KCNJ6: variants seen among roughly 807,000 people sequenced by gnomAD.
KCNJ6 encodes the protein potassium inwardly rectifying channel subfamily J member 6.
KCNJ6 carries 9 observed loss-of-function variants against 34.2 expected under a neutral mutation model. The ratio of observed to expected loss-of-function variants is 0.26; its 90% CI spans 0.16 to 0.46. The LOEUF (loss-of-function observed/expected upper bound fraction) is 0.46, where lower values mean the gene tolerates loss of function less well. Ranked by LOEUF, KCNJ6 falls within the 20% of genes least tolerant of loss-of-function variation. KCNJ6 has a pLI of 1.00. For missense variants in KCNJ6, 236 were observed against 531.3 expected (o/e 0.44, Z 5.46); for synonymous variants, 196 against 207.1 (o/e 0.95, Z 0.46).
intron 2 of KCNJ6, among the ~76,000 whole-genome samples, chr21:37,817,365 G>C (rs1002485039): frequency 1.3e-5 from 2 of 152,134 alleles, no homozygotes; most frequent in African/African-American, 4.8e-5. Context: ...GAGGATTATT[G>C]CAAAGAATTA....
In KCNJ6 at chr21:37,714,849, G is replaced by C; in HGVS notation, c.308C>G (p.Thr103Ser). 6.2e-7 allele frequency: 1 copy of C among 1,614,242 alleles called. No individual in the cohort carries two copies. Among genetic ancestry groups the C allele is most frequent in the Non-Finnish European group, 8.5e-7 (1 of 1,180,050 alleles). Residue 103 changes from threonine to serine, a missense_variant, in exon 3 of 4, where the codon ACC (threonine) becomes AGC (serine). Thr to Ser is a moderately conservative substitution (Grantham distance 58). Transcript: ENST00000609713. This position sits in a 1 kb window ranked among gnomAD's most constrained non-coding sequence, Gnocchi z 5.9. ...CCAGATCATTCCAAAAAAGAGCCAG[G>C]TCACTGTGTAAACCATGACAAAAAT... ...LLIFVMVYTV[T>S]WLFFGMIWWL...
chr21:37,700,376 G>T (rs563242266), intron 3 of KCNJ6, among the ~76,000 whole-genome samples: 1 of 152,156 alleles, frequency 6.6e-6, no homozygotes, highest in Non-Finnish European at 1.5e-5. Flanking sequence ...ATTCAGGAAC[G>T]TCTGCAGCCT....
chr21:37,766,881 G>A (rs1318677744), intron 2 of KCNJ6, among the ~76,000 whole-genome samples: 1 of 152,162 alleles, frequency 6.6e-6, no homozygotes, highest in Non-Finnish European at 1.5e-5. Context: ...ACTGTGAACT[G>A]CACCTGCGAG....
At chr21:37,782,376 C>G (rs1371415868) in intron 2 of KCNJ6, among the ~76,000 whole-genome samples, 6 of 152,174 alleles carry the variant, frequency 3.9e-5, no homozygotes, top group Non-Finnish European at 1.5e-5. Context: ...CAGCAGGAAA[C>G]TAATGTACAC....
chr21:37,878,421 T>C (rs1014560087), intron 1 of KCNJ6, among the ~76,000 whole-genome samples: 1 of 152,252 alleles, frequency 6.6e-6, no homozygotes, highest in Non-Finnish European at 1.5e-5. Context: ...AGCAGTGTTC[T>C]GAGTTAGGCA....
At chr21:37,804,837 GAGTCTATGTCTTTACTAT>G (rs1438645186) in intron 2 of KCNJ6, among the ~76,000 whole-genome samples, 1 of 152,056 alleles carries the variant, frequency 6.6e-6, no homozygotes, top group Non-Finnish European at 1.5e-5. Context: ...GGGCATTGTT[GAGTCTATGTCTTTACTAT>G]AGTGAGTAGG....
intron 3 of KCNJ6, among the ~76,000 whole-genome samples, chr21:37,628,105 C>T (rs1029801507): frequency 6.6e-6 from 1 of 152,134 alleles, no homozygotes; most frequent in African/African-American, 2.4e-5. Flanking sequence ...CTTAAAATGC[C>T]TGTTTTCAAC....
chr21:37,665,807 C>T (rs532224439), intron 3 of KCNJ6, among the ~76,000 whole-genome samples: 1 of 152,290 alleles, frequency 6.6e-6, no homozygotes, highest in Non-Finnish European at 1.5e-5. Flanking sequence ...ACAATTATCT[C>T]GACAGAGAGT....
intron 3 of KCNJ6, among the ~76,000 whole-genome samples, chr21:37,627,404 G>C (rs933315368): frequency 3.3e-5 from 5 of 152,158 alleles, no homozygotes; most frequent in Non-Finnish European, 7.4e-5. Context: ...CTCAAACAAC[G>C]TTTCTCTTCT....
At chr21:37,728,303 G>A (rs886565545) in intron 2 of KCNJ6, among the ~76,000 whole-genome samples, 4 of 152,202 alleles carry the variant, frequency 2.6e-5, no homozygotes, top group Non-Finnish European at 5.9e-5. Context: ...GCTGGAGCAG[G>A]GGGATTGGGG....
chr21:37,896,808 G>T (rs891027836), intron 1 of KCNJ6, among the ~76,000 whole-genome samples: 1 of 152,172 alleles, frequency 6.6e-6, no homozygotes, highest in Non-Finnish European at 1.5e-5. Flanking sequence ...CAGAGGCAGC[G>T]GAGGACCCCA....
At chr21:37,786,628 T>C (rs2055193993) in intron 2 of KCNJ6, among the ~76,000 whole-genome samples, 2 of 152,198 alleles carry the variant, frequency 1.3e-5, no homozygotes, top group African/African-American at 4.8e-5. Flanking sequence ...TCTGCTCTCA[T>C]CTCTGCCTGG....
At chr21:37,767,810 GAGAAATC>G (rs1452827872) in intron 2 of KCNJ6, among the ~76,000 whole-genome samples, 3 of 152,150 alleles carry the variant, frequency 2.0e-5, no homozygotes, top group African/African-American at 7.2e-5. Flanking sequence ...ATTGTATTTT[GAGAAATC>G]GTGAGAGGGG....
At position 37,890,843 on chromosome 21, in the gene KCNJ6, C is replaced by A. The variant is rs544428439; in HGVS notation, c.-28+25041G>T. Among the ~76,000 whole-genome samples, 191 of 152,308 alleles carry A rather than the reference C, an allele frequency of 1.3e-3. 1 individual carries two copies. Among genetic ancestry groups the A allele is most frequent in the South Asian group, 2.5e-3 (12 of 4,830 alleles). On this transcript the variant is annotated intron_variant, in intron 1 of 3. Coordinates refer to ENST00000609713, the MANE Select transcript of KCNJ6 (RefSeq NM_002240.5). Reference sequence around the variant, plus strand: ...CCCCCGCATCCAAGCAAGCAGCCAACAAACAAAACAAGCCCCAGTGAAGCT... The same window carrying A: ...CCCCCGCATCCAAGCAAGCAGCCAAAAAACAAAACAAGCCCCAGTGAAGCT...
chr21:37,742,715 A>G (rs1400625526), intron 2 of KCNJ6, among the ~76,000 whole-genome samples: 1 of 152,188 alleles, frequency 6.6e-6, no homozygotes, highest in Non-Finnish European at 1.5e-5. Flanking sequence ...CAGTCTTGCC[A>G]ACATCCACTT....
chr21:37,673,554 T>C (rs1601413608), intron 3 of KCNJ6, among the ~76,000 whole-genome samples: 1 of 152,384 alleles, frequency 6.6e-6, no homozygotes, highest in East Asian at 1.9e-4. Context: ...GGCTCACTTG[T>C]GTCTGTGTTG....
chr21:37,720,466 G>A (rs1043756151), intron 2 of KCNJ6, among the ~76,000 whole-genome samples: 7 of 151,812 alleles, frequency 4.6e-5, no homozygotes, highest in African/African-American at 1.5e-4. Flanking sequence ...AGGACAAGTC[G>A]AGTCAGCTAT....
intron 3 of KCNJ6, among the ~76,000 whole-genome samples, chr21:37,692,309 GA>G (rs1569446543): frequency 6.6e-6 from 1 of 151,392 alleles, no homozygotes; most frequent in Admixed American, 6.6e-5. Flanking sequence ...TTACCCTTGA[GA>G]AAAAAAGGCA....
In KCNJ6 at chr21:37,622,095, A is replaced by G. The variant is rs1325341819; in HGVS notation, c.*3064T>C. The stretch of plus-strand genomic sequence containing the variant: ...ACTTTGTTCTGTCAAATTGGGGTCA[A>G]CTGTGGCAAACCATAACCCTTAAAT... On this transcript the variant is annotated 3_prime_UTR_variant, in exon 4 of 4. Coordinates refer to ENST00000609713, the MANE Select transcript of KCNJ6 (RefSeq NM_002240.5). 2 of 152,212 alleles carry G rather than the reference A, an allele frequency of 1.3e-5. No individual in the cohort carries two copies. The highest frequency in any genetic ancestry group is 1.3e-4 in the Admixed American group (2 of 15,280). The allele number at this position is 152,212 out of a possible 1,614,324, so 9.4% of individuals were successfully genotyped here. A position where few individuals can be genotyped will look rare whatever the true frequency, so the allele number is the denominator to read the frequency against.
Sources: gnomAD v4.1 joint callset for allele counts (sites outside exome capture counted in the v4.1 genomes callset) on GRCh38, gnomAD v4.1.1 for gene constraint, Gnocchi (gnomAD v3.1) non-coding constraint, MANE v1.5 for transcripts, NCBI Gene and HGNC (gene_info 2026-07-23, HGNC 2026-07-21) for gene names.